The following PLCB1 variants were observed in gnomAD, a reference collection of about 807,000 sequenced individuals.
PLCB1 encodes 1-phosphatidylinositol 4,5-bisphosphate phosphodiesterase beta-1.
In PLCB1, 46 loss-of-function variants were observed where a neutral mutation model predicts 161.8. The observed-to-expected ratio is 0.28, with a 90% CI of 0.22 to 0.36. PLCB1 has a LOEUF of 0.36. Among genes scored for constraint, PLCB1 ranks in the 10% least tolerant of loss-of-function variants. The pLI is 1.00. For missense variants in PLCB1, 1,016 were observed against 1,472.5 expected, an observed-to-expected ratio of 0.69 and a Z score of 5.07; for synonymous variants, 517 against 503.7, an observed-to-expected ratio of 1.03 and a Z score of -0.35.
At chr20:8,866,322 T>G (rs1987427311) in intron 31 of PLCB1, among the ~76,000 whole-genome samples, 1 of 152,206 alleles carries the variant, frequency 6.6e-6, no homozygotes. Flanking sequence ...TGTTAAAGAC[T>G]TTAGACACCA....
chr20:8,229,111 T>C (rs932015090), intron 2 of PLCB1, among the ~76,000 whole-genome samples: 4 of 152,060 alleles, frequency 2.6e-5, no homozygotes, highest in Non-Finnish European at 5.9e-5. Context: ...GTTTGTAGCT[T>C]CCGTATGTGA....
chr20:8,147,606 T>A (rs1381020011), intron 1 of PLCB1, among the ~76,000 whole-genome samples: 2 of 152,198 alleles, frequency 1.3e-5, no homozygotes, highest in Non-Finnish European at 2.9e-5. Context: ...CATTCATATA[T>A]TTCTGGGTCA....
chr20:8,881,984 T>G lies in PLCB1; in HGVS notation c.*135T>G. On this transcript the variant is annotated 3_prime_UTR_variant, in exon 32 of 32. Transcript: ENST00000338037. ...CCTAAAATCCACACCAAAGGGAGAG[T>G]TCCAGAGGAATCCATGAAGAATTCC... 1.6e-6 allele frequency: 1 copy of G among 634,800 alleles called. No individual in the cohort carries two copies. Among genetic ancestry groups the G allele is most frequent in the Non-Finnish European group, 2.7e-6 (1 of 363,820 alleles). 39.3% of individuals were successfully genotyped at this position (634,800 alleles called of 1,614,324 possible).
At chr20:8,670,752 G>A (rs1054767799) in intron 9 of PLCB1, among the ~76,000 whole-genome samples, 42 of 152,234 alleles carry the variant, frequency 2.8e-4, no homozygotes, top group African/African-American at 9.9e-4. Flanking sequence ...GTTTGTGCCC[G>A]GGCAAAGATA....
At chr20:8,439,169 C>G (rs1465276449) in intron 3 of PLCB1, among the ~76,000 whole-genome samples, 2 of 152,126 alleles carry the variant, frequency 1.3e-5, no homozygotes. Flanking sequence ...ATTTAACAGT[C>G]GATGGAGTGC....
chr20:8,424,804 A>G (rs1348703556), intron 3 of PLCB1, among the ~76,000 whole-genome samples: 1 of 152,168 alleles, frequency 6.6e-6, no homozygotes, highest in Non-Finnish European at 1.5e-5. Flanking sequence ...AACGTCTAGC[A>G]GAGCAAAGAA....
chr20:8,519,811 T>C (rs1035149227), intron 3 of PLCB1, among the ~76,000 whole-genome samples: 1 of 152,230 alleles, frequency 6.6e-6, no homozygotes, highest in Non-Finnish European at 1.5e-5. Context: ...TTTAAGGCAA[T>C]ATGAGGACAT....
intron 3 of PLCB1, among the ~76,000 whole-genome samples, chr20:8,605,953 A>G (rs1987746397): frequency 6.6e-6 from 1 of 152,086 alleles, no homozygotes. Context: ...AGCTTCATCC[A>G]TTTCATCCAT....
At chr20:8,878,984 A>G (rs1221944633) in intron 31 of PLCB1, among the ~76,000 whole-genome samples, 1 of 152,042 alleles carries the variant, frequency 6.6e-6, no homozygotes, top group Admixed American at 6.6e-5. Flanking sequence ...ATTAGTCCCC[A>G]GTGTCAATCA....
Position 8,132,379 on chromosome 20 carries a change from TC to T in PLCB1, c.-272del. Reference sequence around the variant, plus strand: ...GCAGCCTCGGCTGACCGGCTCGGCTTCTCTTCGCCTTCCGAGGCTCCTCATC... The same window carrying T: ...GCAGCCTCGGCTGACCGGCTCGGCTTTCTTCGCCTTCCGAGGCTCCTCATC... On this transcript the variant is annotated 5_prime_UTR_variant, in exon 1 of 32. The change creates a premature stop within an existing upstream ORF in the 5' untranslated region. Coordinates refer to ENST00000338037, the MANE Select transcript of PLCB1 (RefSeq NM_015192.4). The surrounding 1 kb of genome is among the most constrained non-coding windows in gnomAD (Gnocchi z 5.2). 7.5e-6 allele frequency: 2 copies of T among 268,012 alleles called. No individual in the cohort carries two copies. Among genetic ancestry groups the T allele is most frequent in the Non-Finnish European group, 1.4e-5 (2 of 143,490 alleles). The allele number at this position is 268,012 out of a possible 1,614,324, so 16.6% of individuals were successfully genotyped here.
rs563869054 is a variant in PLCB1 at position 8,319,297 on chromosome 20, G to C, written c.178-52085G>C. On this transcript the variant is annotated intron_variant, in intron 2 of 31. Coordinates refer to ENST00000338037, the MANE Select transcript of PLCB1 (RefSeq NM_015192.4). ...TCTGTAGGTTGGAAATTTGAGTGGG[G>C]ATCACCTGGGCAATTCTGGTCTTCT... 2.0e-5 allele frequency among the ~76,000 whole-genome samples: 3 copies of C among 152,236 alleles called. 1 individual carries two copies. Among genetic ancestry groups the C allele is most frequent in the African/African-American group, 7.2e-5 (3 of 41,540 alleles).
At chr20:8,809,851 A>C (rs115466451) in intron 31 of PLCB1, among the ~76,000 whole-genome samples, 1 of 152,048 alleles carries the variant, frequency 6.6e-6, no homozygotes, top group African/African-American at 2.4e-5. Context: ...AGTCCCCTAA[A>C]ACTTACACCT....
chr20:8,658,886 A>AT (rs746614275), intron 9 of PLCB1, among the ~76,000 whole-genome samples, 182 bp downstream of exon 9: 38 of 152,098 alleles, frequency 2.5e-4, no homozygotes, highest in African/African-American at 5.8e-4. Context: ...TTGGTGTGTG[A>AT]TTTTTTTGTC....
intron 3 of PLCB1, among the ~76,000 whole-genome samples, chr20:8,463,585 G>A (rs1981685059): frequency 1.3e-5 from 2 of 152,062 alleles, no homozygotes; most frequent in East Asian, 3.9e-4. Flanking sequence ...AGTTACTACA[G>A]CCATTTTTCA....
At chr20:8,820,401 C>G (rs1247802297) in intron 31 of PLCB1, among the ~76,000 whole-genome samples, 1 of 151,946 alleles carries the variant, frequency 6.6e-6, no homozygotes, top group Non-Finnish European at 1.5e-5. Flanking sequence ...CATTAGTAAT[C>G]AAAGAAATGC....
chr20:8,174,731 A>G (rs1340757659), intron 2 of PLCB1, among the ~76,000 whole-genome samples: 1 of 152,140 alleles, frequency 6.6e-6, no homozygotes, highest in African/African-American at 2.4e-5. Flanking sequence ...ATTGATACCC[A>G]TAAAATGTAA....
rs1466229468 is a variant in PLCB1 at position 8,883,173 on chromosome 20, CA to C, written c.*1330del. On this transcript the variant is annotated 3_prime_UTR_variant, in exon 32 of 32. Transcript: ENST00000338037. Reference sequence around the variant, plus strand: ...CAGATTTTAAGCTTGTTTTAATGGTCAAAAAATTAGGACAGAAATAATATGG... The same window carrying C: ...CAGATTTTAAGCTTGTTTTAATGGTCAAAAATTAGGACAGAAATAATATGG... The C allele has an allele frequency of 1.3e-5, 2 of 151,910 alleles. No individual in the cohort carries two copies. Among genetic ancestry groups the C allele is most frequent in the African/African-American group, 4.8e-5 (2 of 41,338 alleles). 9.4% of individuals were successfully genotyped at this position (151,910 alleles called of 1,614,324 possible). A position where few individuals can be genotyped will look rare whatever the true frequency, so the allele number is the denominator to read the frequency against.
intron 3 of PLCB1, among the ~76,000 whole-genome samples, chr20:8,605,879 AAG>A (rs1987743738): frequency 1.3e-5 from 1 of 77,720 alleles, no homozygotes; most frequent in Non-Finnish European, 4.1e-5. Context: ...TCTCGCTTGT[AAG>A]TGAGAACATG....
At chr20:8,272,086 T>C (rs1982313863) in intron 2 of PLCB1, among the ~76,000 whole-genome samples, 1 of 152,092 alleles carries the variant, frequency 6.6e-6, no homozygotes, top group Non-Finnish European at 1.5e-5. Flanking sequence ...TTCAAAGACC[T>C]TGATCAAGCC....
Sources: gnomAD v4.1 joint callset for allele counts (sites outside exome capture counted in the v4.1 genomes callset) on GRCh38, gnomAD v4.1.1 for gene constraint, Gnocchi (gnomAD v3.1) non-coding constraint, MANE v1.5 for transcripts, NCBI Gene and HGNC (gene_info 2026-07-23, HGNC 2026-07-21) for gene names.